DDX60L: variants seen among roughly 807,000 people sequenced by gnomAD.
DDX60L encodes the protein DExD/H-box 60 like.
Under a neutral mutation model 211.6 loss-of-function variants are expected in DDX60L, and 191 were observed. The ratio of observed to expected loss-of-function variants is 0.90; its 90% confidence interval spans 0.80 to 1.02. The LOEUF (loss-of-function observed/expected upper bound fraction) is 1.02, where lower values mean the gene tolerates loss of function less well. Among genes scored for constraint, DDX60L ranks in the 50% least tolerant of loss-of-function variants. The probability of loss-of-function intolerance (pLI) is 0.00; values close to 1 mark genes in which losing one functional copy is unlikely to be tolerated. For missense variants in DDX60L, 2,007 were observed against 1,984.1 expected, an observed-to-expected ratio of 1.01 and a Z score of -0.22; for synonymous variants, 706 against 694.1, an observed-to-expected ratio of 1.02 and a Z score of -0.27.
chr4:168,431,835 T>C (rs1752407619), intron 12 of DDX60L, among the ~76,000 whole-genome samples: 1 of 152,192 alleles, frequency 6.6e-6, no homozygotes, highest in Non-Finnish European at 1.5e-5. Flanking sequence ...TTAGGACCCA[T>C]TTTTAATTGT....
intron 16 of DDX60L, 42 bp from the exon 17 acceptor site, chr4:168,421,951 G>A (rs1750707172): frequency 1.2e-6 from 2 of 1,612,612 alleles, no homozygotes; most frequent in South Asian, 1.1e-5. Context: ...AAAGTGAACA[G>A]CATGTTACCA....
chr4:168,479,926 G>A (rs1196160062), intron 1 of DDX60L, among the ~76,000 whole-genome samples: 1 of 146,188 alleles, frequency 6.8e-6, no homozygotes, highest in African/African-American at 2.5e-5. Context: ...GGAGGTTGCA[G>A]TGAGCAGAGA....
At position 168,427,241 on chromosome 4, in the gene DDX60L, C is replaced by T. The variant is rs779343782; in HGVS notation, c.1759G>A (p.Asp587Asn). Reference protein sequence around the residue: ...KEDQNKAQQNDDLLFSIEEEM... With the variant: ...KEDQNKAQQNNDLLFSIEEEM... ...TCTTCAATAGAAAACAGCAGATCAT[C>T]GTTTTGCTGAGCTTTGTTCTGATCT... The change falls in exon 14 of 38, where the codon GAT (aspartate) becomes AAT (asparagine). Residue 587 changes from aspartate to asparagine, a missense_variant. Asp to Asn is a conservative substitution (Grantham distance 23). Transcript: ENST00000682922. 3 of 1,613,706 alleles carry T rather than the reference C, an allele frequency of 1.9e-6. No individual in the cohort carries two copies. The highest frequency in any genetic ancestry group is 2.2e-5 in the East Asian group (1 of 44,844).
intron 5 of DDX60L, among the ~76,000 whole-genome samples, chr4:168,459,933 C>T (rs1757104350): frequency 1.3e-5 from 2 of 151,598 alleles, no homozygotes; most frequent in Admixed American, 1.3e-4. Context: ...AATCTAAAAG[C>T]ATGACAAACA....
intron 4 of DDX60L, chr4:168,470,841 A>C: frequency 4.4e-6 from 1 of 228,994 alleles, no homozygotes; most frequent in Non-Finnish European, 8.8e-6. Context: ...ACTCCATCTA[A>C]AAAAAAAAAA....
At chr4:168,442,907 T>C (rs1754164208) in intron 9 of DDX60L, among the ~76,000 whole-genome samples, 1 of 151,278 alleles carries the variant, frequency 6.6e-6, no homozygotes, top group Non-Finnish European at 1.5e-5. Context: ...CAAAAGTAGA[T>C]AAAACCACAA....
rs1417247905 is a variant in DDX60L at position 168,430,783 on chromosome 4, TC to T, written c.1517-146del. The T allele has an allele frequency of 6.8e-6, 4 of 585,068 alleles. 1 individual carries two copies. The highest frequency in any genetic ancestry group is 1.1e-5 in the Non-Finnish European group (4 of 370,544). 36.2% of individuals were successfully genotyped at this position (585,068 alleles called of 1,614,324 possible). A position where few individuals can be genotyped will look rare whatever the true frequency, so the allele number is the denominator to read the frequency against. ...GATTACCATACGCTAACAAAATAAT[TC>T]CCTATATTATTTGAAGAAGAGAGAG... On this transcript the variant is annotated intron_variant, in intron 12 of 37. Transcript: ENST00000682922.
intron 8 of DDX60L, among the ~76,000 whole-genome samples, chr4:168,449,371 A>C (rs1295790557): frequency 1.4e-5 from 2 of 145,326 alleles, no homozygotes; most frequent in Non-Finnish European, 3.0e-5. Flanking sequence ...AAGATCAAAA[A>C]ACCAAACACC....
chr4:168,371,510 A>G (rs1741010738), intron 36 of DDX60L, 102 bp downstream of exon 36: 2 of 446,280 alleles, frequency 4.5e-6, no homozygotes, highest in African/African-American at 4.2e-5. Context: ...TAACTATATA[A>G]TGTAAATTAT....
chr4:168,364,316 CATT>C (rs1439772118), intron 36 of DDX60L, among the ~76,000 whole-genome samples: 1 of 152,018 alleles, frequency 6.6e-6, no homozygotes, highest in Non-Finnish European at 1.5e-5. Context: ...AGGACAAAGT[CATT>C]ATATAATGAT....
intron 28 of DDX60L, 60 bp downstream of exon 28, chr4:168,394,405 T>C (rs1237591408): frequency 3.1e-6 from 4 of 1,301,268 alleles, no homozygotes; most frequent in Non-Finnish European, 4.1e-6. Context: ...TACCTTTTAG[T>C]GGTATTCAGC....
At chr4:168,367,954 T>A (rs1489819584) in intron 36 of DDX60L, among the ~76,000 whole-genome samples, 3 of 152,200 alleles carry the variant, frequency 2.0e-5, no homozygotes, top group Non-Finnish European at 4.4e-5. Context: ...TGGGTACTGT[T>A]AAAGGCATTC....
chr4:168,452,717 A>G (rs1435814188), intron 8 of DDX60L, among the ~76,000 whole-genome samples: 1 of 152,150 alleles, frequency 6.6e-6, no homozygotes, highest in African/African-American at 2.4e-5. Context: ...AACCGTTAAC[A>G]GTATTAATTT....
intron 26 of DDX60L, among the ~76,000 whole-genome samples, chr4:168,398,047 G>C (rs892867523): frequency 5.3e-5 from 8 of 152,124 alleles, no homozygotes; most frequent in Admixed American, 4.6e-4. Flanking sequence ...GAGTGGACAG[G>C]AGCCCCATCC....
At chr4:168,442,008 G>GTT (rs1215026999) in intron 9 of DDX60L, among the ~76,000 whole-genome samples, 3 of 152,084 alleles carry the variant, frequency 2.0e-5, no homozygotes, top group Non-Finnish European at 4.4e-5. Flanking sequence ...AGCCAAGATG[G>GTT]CCGAATAGGA....
At chr4:168,480,028 G>T (rs1014389252) in intron 1 of DDX60L, among the ~76,000 whole-genome samples, 8 of 150,910 alleles carry the variant, frequency 5.3e-5, no homozygotes, top group African/African-American at 1.9e-4. Context: ...GGAAAAAAGG[G>T]AAGCGGCTTG....
At chr4:168,452,249 C>T (rs965235666) in intron 8 of DDX60L, among the ~76,000 whole-genome samples, 2 of 152,200 alleles carry the variant, frequency 1.3e-5, no homozygotes, top group African/African-American at 4.8e-5. Context: ...TCAAATTTTC[C>T]ATACCTTTTT....
At chr4:168,395,909 GA>G (rs1420880578) in intron 27 of DDX60L, 49 bp downstream of exon 27, 2 of 1,248,356 alleles carry the variant, frequency 1.6e-6, no homozygotes. Context: ...CGATCACTAT[GA>G]TAAAATGTCA....
At chr4:168,361,425 A>G in intron 36 of DDX60L, 1 of 429,908 alleles carries the variant, frequency 2.3e-6, no homozygotes. Context: ...CCATTATCAA[A>G]GGGGGAGGGT....
Sources: allele counts gnomAD v4.1 joint callset (sites outside exome capture counted in the v4.1 genomes callset), GRCh38; gene constraint gnomAD v4.1.1; transcripts MANE v1.5; gene names NCBI Gene and HGNC (gene_info 2026-07-23, HGNC 2026-07-21).